CACNA1C: variants seen among roughly 807,000 people sequenced by gnomAD.
The protein encoded by CACNA1C is calcium voltage-gated channel subunit alpha1 C.
Under a neutral mutation model 229.0 loss-of-function variants are expected in CACNA1C, and 30 were observed. The observed-to-expected ratio is 0.13, with a 90% CI of 0.10 to 0.18. The LOEUF (loss-of-function observed/expected upper bound fraction) is 0.18. Among genes scored for constraint, CACNA1C ranks in the 10% least tolerant of loss-of-function variants. CACNA1C has a pLI of 1.00. For synonymous variants in CACNA1C, 1,114 were observed against 1,132.5 expected (o/e 0.98, Z 0.33); for missense variants, 1,658 against 2,845.0 (o/e 0.58, Z 9.49).
At chr12:2,400,126 C>A (rs901673169) in intron 3 of CACNA1C, among the ~76,000 whole-genome samples, 1 of 152,192 alleles carries the variant, frequency 6.6e-6, no homozygotes, top group African/African-American at 2.4e-5. Context: ...TTATTCCTCA[C>A]TACACCACCA....
chr12:2,676,949 C>T, intron 39 of CACNA1C, 145 bp from the exon 40 acceptor site: 6 of 633,324 alleles, frequency 9.5e-6, no homozygotes, highest in Admixed American at 3.0e-5. Context: ...TTTTTTTTCT[C>T]TCTTTTTAAG....
At chr12:2,041,267 A>AT (rs2050023838) in intron 1 of CACNA1C, among the ~76,000 whole-genome samples, 1 of 99,372 alleles carries the variant, frequency 1.0e-5, no homozygotes, top group African/African-American at 4.9e-5. Flanking sequence ...TGCTAAGGGT[A>AT]TTCTTTTTTT....
At chr12:2,371,723 G>C (rs7296567) in intron 3 of CACNA1C, among the ~76,000 whole-genome samples, 92,971 of 130,522 alleles carry the variant, frequency 0.71, 32,367 homozygotes, top group Middle Eastern at 0.77. Flanking sequence ...ATGACATATG[G>C]CTTTTTTTTT....
At chr12:2,051,211 T>G (rs1594391026), upstream of CACNA1C, among the ~76,000 whole-genome samples, 2 of 152,158 alleles carry the variant, frequency 1.3e-5, no homozygotes, top group East Asian at 3.9e-4. Context: ...AGTTTGTGTT[T>G]CAGGCAGTGG....
At chr12:2,010,551 C>G in intron 1 of CACNA1C, among the ~76,000 whole-genome samples, 1 of 152,166 alleles carries the variant, frequency 6.6e-6, no homozygotes, top group African/African-American at 2.4e-5. Flanking sequence ...GTGGAGAGAT[C>G]ACTCTTGAAT....
At chr12:2,214,870 T>G (rs376208362) in intron 3 of CACNA1C, among the ~76,000 whole-genome samples, 121 of 151,666 alleles carry the variant, frequency 8.0e-4, no homozygotes, top group African/African-American at 2.7e-3. Context: ...TGCTTCTGCT[T>G]CTTTATCTAG....
rs950131179 is a variant in CACNA1C at position 2,467,819 on chromosome 12, G to A, written c.757+10113G>A. Among the ~76,000 whole-genome samples the A allele has an allele frequency of 3.3e-5, 5 of 152,206 alleles. No individual in the cohort carries two copies. Among genetic ancestry groups the A allele is most frequent in the African/African-American group, 9.6e-5 (4 of 41,462 alleles). ...ATCCTCCCAGGTGCCCCTGAAAGAC[G>A]CCTGGGCCAGCAGCTCAAGGCCCAC... On this transcript the variant is annotated intron_variant, in intron 5 of 46. Transcript: ENST00000399655. This position sits in a 1 kb window ranked among gnomAD's most constrained non-coding sequence, Gnocchi z 4.6.
rs936507668 is a variant in CACNA1C at position 2,644,309 on chromosome 12, G to A, written c.3913-4166G>A. 1.1e-4 allele frequency among the ~76,000 whole-genome samples: 17 copies of A among 152,124 alleles called. 1 individual carries two copies. The highest frequency in any genetic ancestry group is 1.0e-3 in the Admixed American group (16 of 15,262). ...CACCTTTCAAAATCAGCCTGCCAAG[G>A]AGAATGCAGCCATGGCTTATGCCCC... On this transcript the variant is annotated intron_variant, in intron 30 of 46. Coordinates refer to ENST00000399655, the MANE Select transcript of CACNA1C (RefSeq NM_000719.7).
At chr12:2,443,446 A>G (rs962399148) in intron 3 of CACNA1C, among the ~76,000 whole-genome samples, 1 of 152,060 alleles carries the variant, frequency 6.6e-6, no homozygotes, top group Non-Finnish European at 1.5e-5. Context: ...TTTCCATGCT[A>G]TTGGTCTGGG....
chr12:2,652,415 G>C (rs1036538972), intron 32 of CACNA1C, among the ~76,000 whole-genome samples: 1 of 152,170 alleles, frequency 6.6e-6, no homozygotes, highest in Non-Finnish European at 1.5e-5. Flanking sequence ...AAGTTAAGGA[G>C]AAGCAAAGCG....
chr12:2,482,015 G>A (rs576231026), intron 5 of CACNA1C, among the ~76,000 whole-genome samples: 1 of 152,386 alleles, frequency 6.6e-6, no homozygotes, highest in Admixed American at 6.5e-5. Context: ...TAGAACTTGA[G>A]TTGGAGGAGC....
chr12:2,532,963 C>G (rs1348572530), intron 9 of CACNA1C, among the ~76,000 whole-genome samples: 2 of 152,170 alleles, frequency 1.3e-5, no homozygotes, highest in African/African-American at 4.8e-5. Context: ...TTTCAAAAAC[C>G]ATTTCTCTCT....
chr12:2,079,594 T>G (rs1028768321), intron 1 of CACNA1C, among the ~76,000 whole-genome samples: 1 of 152,154 alleles, frequency 6.6e-6, no homozygotes, highest in East Asian at 1.9e-4. Context: ...AGGCCGCACC[T>G]CCTCATACCA....
In CACNA1C at chr12:2,676,796, A is replaced by G. The variant is rs73247435; in HGVS notation, c.4829-298A>G. The G allele has an allele frequency of 0.015, 3,139 of 206,644 alleles. 111 individuals are homozygous for G. Among genetic ancestry groups the G allele is most frequent in the African/African-American group, 0.067 (2,908 of 43,168 alleles). The allele number at this position is 206,644 out of a possible 1,614,324, so 12.8% of individuals were successfully genotyped here. On this transcript the variant is annotated intron_variant, in intron 39 of 46. Coordinates refer to ENST00000399655, the MANE Select transcript of CACNA1C (RefSeq NM_000719.7). ...CTTTTGCATAAAAAAAACAGGAGAT[A>G]ATATGTTTGATGATTTACATAACTA...
intron 1 of CACNA1C, among the ~76,000 whole-genome samples, chr12:2,020,911 G>C (rs1439863925): frequency 1.3e-5 from 2 of 152,138 alleles, no homozygotes; most frequent in Admixed American, 1.3e-4. Flanking sequence ...TCCCTGTATG[G>C]AACCCATATT....
At chr12:2,229,925 G>A (rs2064275322) in intron 3 of CACNA1C, among the ~76,000 whole-genome samples, 2 of 152,194 alleles carry the variant, frequency 1.3e-5, no homozygotes, top group African/African-American at 4.8e-5. Context: ...CGGGTGTGGC[G>A]TGGTCTGACG....
chr12:2,071,171 TC>T lies in CACNA1C; in HGVS notation c.49+17563del, dbSNP rs1565502188. On this transcript the variant is annotated intron_variant, in intron 1 of 46. Transcript: ENST00000399655. ...CTCCCTCCCTCCCTCCCTCCCTCCC[TC>T]CCTGCCTGCCTGCCTGCCTGCCTGC... Among the ~76,000 whole-genome samples, 21 of 78,028 alleles carry T rather than the reference TC, an allele frequency of 2.7e-4. 2 individuals are homozygous for T. Among genetic ancestry groups the T allele is most frequent in the African/African-American group, 1.0e-3 (19 of 18,582 alleles). 51.2% of individuals were successfully genotyped at this position (78,028 alleles called of 152,430 possible). A position where few individuals can be genotyped will look rare whatever the true frequency, so the allele number is the denominator to read the frequency against.
In CACNA1C at chr12:2,632,056, G is replaced by A. The variant is rs565770095; in HGVS notation, c.3829-2241G>A. On this transcript the variant is annotated intron_variant, in intron 29 of 46. Coordinates refer to ENST00000399655, the MANE Select transcript of CACNA1C (RefSeq NM_000719.7). This position sits in a 1 kb window ranked among gnomAD's most constrained non-coding sequence, Gnocchi z 4.1. ...TGGGGAGAGATCTGGGGAACCTCTCGGAGGACGCTTCATGCTTTCATACCC... is the reference window on the plus strand; with the variant it reads ...TGGGGAGAGATCTGGGGAACCTCTCAGAGGACGCTTCATGCTTTCATACCC... 5.9e-4 allele frequency among the ~76,000 whole-genome samples: 90 copies of A among 152,090 alleles called. No individual in the cohort carries two copies. Among genetic ancestry groups the A allele is most frequent in the Non-Finnish European group, 1.1e-3 (77 of 67,988 alleles).
Position 2,458,004 on chromosome 12 carries a change from T to C in CACNA1C, c.757+298T>C, listed in dbSNP as rs552667070. ...CTGAGCCACCCTGGAGGCCCTGGGA[T>C]GGGGATTTAAATACATTTTGTAGCA... On this transcript the variant is annotated intron_variant, in intron 5 of 46. Transcript: ENST00000399655. Among the ~76,000 whole-genome samples, 625 of 152,248 alleles carry C rather than the reference T, an allele frequency of 4.1e-3. 4 individuals are homozygous for C. Among genetic ancestry groups the C allele is most frequent in the Middle Eastern group, 0.01 (3 of 294 alleles).
Sources: allele counts gnomAD v4.1 joint callset (sites outside exome capture counted in the v4.1 genomes callset), GRCh38; gene constraint gnomAD v4.1.1; non-coding constraint Gnocchi (gnomAD v3.1); transcripts MANE v1.5; gene names NCBI Gene and HGNC (gene_info 2026-07-23, HGNC 2026-07-21).